CDH23: variants seen among roughly 807,000 people sequenced by gnomAD.
The protein encoded by CDH23 is cadherin related 23, also known as cadherin-23.
Under a neutral mutation model 317.1 loss-of-function variants are expected in CDH23, and 189 were observed. The ratio of observed to expected loss-of-function variants is 0.60; its 90% CI spans 0.53 to 0.67. CDH23 has a LOEUF of 0.67. Ranked by LOEUF, CDH23 falls within the 30% of genes least tolerant of loss-of-function variation. CDH23 has a pLI of 0.00. For synonymous variants in CDH23, 1,839 were observed against 1,876.8 expected, an observed-to-expected ratio of 0.98 and a Z score of 0.52; for missense variants, 4,401 against 4,592.4, an observed-to-expected ratio of 0.96 and a Z score of 1.20.
At position 71,767,774 on chromosome 10, in the gene CDH23, TG is replaced by T. The variant is rs145219751; in HGVS notation, c.4846-9905del. ...CATCTCAGATGTGTTTATTGATACC[TG>T]CCCCCGCAGGAAGTGTCCATTCACA... On this transcript the variant is annotated intron_variant, in intron 38 of 69. Transcript: ENST00000224721. 8.4e-3 allele frequency among the ~76,000 whole-genome samples: 1,286 copies of T among 152,350 alleles called. 6 individuals carry two copies. The highest frequency in any genetic ancestry group is 0.013 in the Non-Finnish European group (898 of 68,026).
At chr10:71,448,241 CCGGGCTGGA>C (rs1337771895) in intron 3 of CDH23, among the ~76,000 whole-genome samples, 3 of 152,246 alleles carry the variant, frequency 2.0e-5, no homozygotes. Flanking sequence ...GGTGACAAGC[CCGGGCTGGA>C]AGCCCATGTG....
At chr10:71,412,436 G>A (rs1043246544) in intron 1 of CDH23, among the ~76,000 whole-genome samples, 4 of 152,164 alleles carry the variant, frequency 2.6e-5, no homozygotes, top group African/African-American at 9.7e-5. Context: ...CAATGTACAA[G>A]GCTGACAATT....
intron 1 of CDH23, among the ~76,000 whole-genome samples, chr10:71,405,520 C>T (rs778417264): frequency 4.0e-5 from 6 of 151,724 alleles, no homozygotes; most frequent in South Asian, 2.1e-4. Context: ...TCACTGCAAC[C>T]GCCACCTCCC....
chr10:71,606,719 G>A (rs1002712932), intron 9 of CDH23, among the ~76,000 whole-genome samples: 2 of 152,194 alleles, frequency 1.3e-5, no homozygotes, highest in African/African-American at 4.8e-5. Flanking sequence ...AAATAAAAGA[G>A]GATAATGGAG....
Position 71,709,012 on chromosome 10 carries a change from G to A in CDH23, c.3107-86G>A, listed in dbSNP as rs143532935. On this transcript the variant is annotated intron_variant, in intron 26 of 69. Transcript: ENST00000224721. ...CTCCCACTCCTGGACTCACCATCGC[G>A]GGTCCCAGCTCAGGAGCAGAGTCCC... The A allele has an allele frequency of 1.1e-4, 137 of 1,209,140 alleles. No individual in the cohort carries two copies. In the Middle Eastern group the frequency reaches 1.3e-3, roughly 12 times the overall value. 74.9% of individuals were successfully genotyped at this position (1,209,140 alleles called of 1,614,324 possible). A position where few individuals can be genotyped will look rare whatever the true frequency, so the allele number is the denominator to read the frequency against.
rs761185707 is a variant in CDH23, at chr10:71,751,803, G to T, written c.4845+9882G>T. 5 of 1,594,780 alleles carry T rather than the reference G, an allele frequency of 3.1e-6. No homozygotes were observed. In the African/African-American group the frequency reaches 5.4e-5, roughly 17 times the overall value. ...AGGGGGTGCCTGACTTTGGCCTCGG[G>T]TATCCCCTGGGCAGGTGGTGAGGCT... On this transcript the variant is annotated intron_variant, in intron 38 of 69. Transcript: ENST00000224721. This position sits in a 1 kb window ranked among gnomAD's most constrained non-coding sequence, Gnocchi z 4.9.
At chr10:71,546,288 T>C (rs539913433) in intron 6 of CDH23, among the ~76,000 whole-genome samples, 2 of 152,300 alleles carry the variant, frequency 1.3e-5, no homozygotes, top group Admixed American at 1.3e-4. Context: ...TGTGGAGACA[T>C]TCGTAAAAGA....
chr10:71,640,334 A>G (rs1048292575), intron 11 of CDH23, among the ~76,000 whole-genome samples: 1 of 152,054 alleles, frequency 6.6e-6, no homozygotes, highest in South Asian at 2.1e-4. Context: ...ACCATACCTT[A>G]CTGCTTATAC....
chr10:71,758,435 A>G (rs1246305720), intron 38 of CDH23, among the ~76,000 whole-genome samples: 1 of 152,130 alleles, frequency 6.6e-6, no homozygotes, highest in East Asian at 1.9e-4. Flanking sequence ...GTGCCCTTGC[A>G]TTTTGTCTCC....
intron 1 of CDH23, among the ~76,000 whole-genome samples, chr10:71,400,973 AT>A (rs1847753292): frequency 1.3e-5 from 2 of 152,006 alleles, no homozygotes; most frequent in South Asian, 4.1e-4. Flanking sequence ...TAAACATTGT[AT>A]TTTATTTTAT....
Position 71,554,659 on chromosome 10 carries a change from A to G in CDH23, c.430-12083A>G, listed in dbSNP as rs2132324793. 2.6e-5 allele frequency among the ~76,000 whole-genome samples: 4 copies of G among 152,182 alleles called. No individual in the cohort carries two copies. In the Middle Eastern group the frequency reaches 0.01, roughly 391 times the overall value. On this transcript the variant is annotated intron_variant, in intron 6 of 69. Coordinates refer to ENST00000224721, the MANE Select transcript of CDH23 (RefSeq NM_022124.6). ...TAGCTTTTTAGACAGGACTCTTCTT[A>G]TAGATCACATCGTATCATTCCCTGG... is the stretch of plus-strand genomic sequence containing the variant.
intron 64 of CDH23, 28 bp downstream of exon 64, chr10:71,811,618 G>A: frequency 6.2e-7 from 1 of 1,613,878 alleles, no homozygotes; most frequent in Non-Finnish European, 8.5e-7. Context: ...CTGCCATCAG[G>A]GGGCCGACCA....
chr10:71,811,971 C>T lies in CDH23; in HGVS notation c.9336C>T (p.Ile3112=), dbSNP rs1841945407. 5 of 1,596,590 alleles carry T rather than the reference C, an allele frequency of 3.1e-6. No homozygotes were observed. The highest frequency in any genetic ancestry group is 2.3e-5 in the East Asian group (1 of 43,684). ...TCCCTGCAGGGAATCGTGGCTTCAT[C>T]GACATCATGGACATGCCTAACACCA... ...VAGSAGNRGF[I]DIMDMPNTNK... The change falls in exon 66 of 70, where the codon ATC becomes ATT. Residue 3112 remains isoleucine, a synonymous_variant. Coordinates refer to ENST00000224721, the MANE Select transcript of CDH23 (RefSeq NM_022124.6).
At chr10:71,589,518 C>A (rs1564672873) in intron 9 of CDH23, among the ~76,000 whole-genome samples, 1 of 152,172 alleles carries the variant, frequency 6.6e-6, no homozygotes, top group Non-Finnish European at 1.5e-5. Flanking sequence ...CCACCCATTC[C>A]CCAGACATGT....
rs565450355 is a variant in CDH23 at position 71,685,210 on chromosome 10, A to G, written c.1987-2437A>G. Among the ~76,000 whole-genome samples the G allele has an allele frequency of 2.0e-4, 30 of 152,330 alleles. No individual in the cohort carries two copies. In the Middle Eastern group the frequency reaches 0.014, roughly 69 times the overall value. Reference sequence around the variant, plus strand: ...GATTCGTATTTAGTGGGTCTGAGGCAGGGCTGGGATTCTGTGTGTCCTCCC... The same window carrying G: ...GATTCGTATTTAGTGGGTCTGAGGCGGGGCTGGGATTCTGTGTGTCCTCCC... On this transcript the variant is annotated intron_variant, in intron 18 of 69. Coordinates refer to ENST00000224721, the MANE Select transcript of CDH23 (RefSeq NM_022124.6).
At chr10:71,425,875 T>G (rs904475135) in intron 1 of CDH23, among the ~76,000 whole-genome samples, 3 of 152,202 alleles carry the variant, frequency 2.0e-5, no homozygotes, top group African/African-American at 7.2e-5. Context: ...GGCAGCTGTG[T>G]GGAGTTGGAG....
chr10:71,751,532 C>G lies in CDH23; in HGVS notation c.4845+9611C>G, dbSNP rs1316162593. 1 of 693,786 alleles carries G rather than the reference C, an allele frequency of 1.4e-6. No individual in the cohort carries two copies. The highest frequency in any genetic ancestry group is 2.3e-6 in the Non-Finnish European group (1 of 429,838). 43.0% of individuals were successfully genotyped at this position (693,786 alleles called of 1,614,324 possible). On this transcript the variant is annotated intron_variant, in intron 38 of 69. Coordinates refer to ENST00000224721, the MANE Select transcript of CDH23 (RefSeq NM_022124.6). This position sits in a 1 kb window ranked among gnomAD's most constrained non-coding sequence, Gnocchi z 4.9. Reference sequence around the variant, plus strand: ...TTCAGGGAGGTGAATGGGGGCCCCTCTGTCCCTCACCCTCAACCCCACCCC... The same window carrying G: ...TTCAGGGAGGTGAATGGGGGCCCCTGTGTCCCTCACCCTCAACCCCACCCC...
rs529016988 is a variant in CDH23, at chr10:71,694,641, T to C, written c.2289+382T>C. ...CAGCTCAGAGCAGGAAGCAGGGCCC[T>C]GGAGGGTCCCTGGGGGCTTGTTCTC... is the stretch of plus-strand genomic sequence containing the variant. On this transcript the variant is annotated intron_variant, in intron 21 of 69. Transcript: ENST00000224721. Among the ~76,000 whole-genome samples, 73 of 152,174 alleles carry C rather than the reference T, an allele frequency of 4.8e-4. 2 individuals are homozygous for C. In the South Asian group the frequency reaches 0.014, roughly 29 times the overall value.
At chr10:71,746,012 T>C (rs1839845909) in intron 38 of CDH23, among the ~76,000 whole-genome samples, 1 of 152,210 alleles carries the variant, frequency 6.6e-6, no homozygotes, top group Non-Finnish European at 1.5e-5. Context: ...GCATGAAAGA[T>C]TCATTCATTT....
Sources: gnomAD v4.1 joint callset for allele counts (sites outside exome capture counted in the v4.1 genomes callset) on GRCh38, gnomAD v4.1.1 for gene constraint, Gnocchi (gnomAD v3.1) non-coding constraint, MANE v1.5 for transcripts, NCBI Gene and HGNC (gene_info 2026-07-23, HGNC 2026-07-21) for gene names.